Variants in GALNT13 observed in about 807,000 individuals in gnomAD.
The protein encoded by GALNT13 is UDP-GalNAc:polypeptide N-acetylgalactosaminyltransferase 13.
Under a neutral mutation model 64.2 loss-of-function variants are expected in GALNT13, and 28 were observed. The ratio of observed to expected loss-of-function variants is 0.44; its 90% confidence interval spans 0.32 to 0.60. The LOEUF is 0.60. Ranked by LOEUF, GALNT13 falls within the 20% of genes least tolerant of loss-of-function variation. GALNT13 has a pLI of 0.05. For synonymous variants in GALNT13, 214 were observed against 224.6 expected, an observed-to-expected ratio of 0.95 and a Z score of 0.42; for missense variants, 577 against 669.8, an observed-to-expected ratio of 0.86 and a Z score of 1.53.
chr2:153,653,333 A>G, the GALNT13 span, among the ~76,000 whole-genome samples: 11 of 152,142 alleles, frequency 7.2e-5, no homozygotes, highest in South Asian at 2.1e-4. Flanking sequence ...AGAGTCCTAC[A>G]CTGAGATAAA....
the GALNT13 span, among the ~76,000 whole-genome samples, chr2:153,843,546 C>T: frequency 1.3e-4 from 20 of 152,286 alleles, no homozygotes; most frequent in African/African-American, 4.6e-4. Flanking sequence ...TGCCCCTCCC[C>T]GCAAATATCA....
chr2:153,827,982 C>T, the GALNT13 span, among the ~76,000 whole-genome samples: 3 of 152,236 alleles, frequency 2.0e-5, no homozygotes, highest in African/African-American at 7.2e-5. Context: ...TCCAACAGGG[C>T]AGTCAAATCT....
the GALNT13 span, among the ~76,000 whole-genome samples, chr2:153,818,116 A>AAT: frequency 0.51 from 77,964 of 151,662 alleles, 20,914 homozygotes; most frequent in Admixed American, 0.63. Flanking sequence ...GAAGCTCCCT[A>AAT]ATATAGGGAA....
the GALNT13 span, among the ~76,000 whole-genome samples, chr2:153,177,452 A>T: frequency 6.6e-6 from 1 of 152,130 alleles, no homozygotes; most frequent in Admixed American, 6.5e-5. Context: ...AGTTAAAAGT[A>T]ACTGCATGAA....
chr2:153,938,631 T>G (rs542615753), intron 2 of GALNT13, among the ~76,000 whole-genome samples: 128 of 152,294 alleles, frequency 8.4e-4, no homozygotes, highest in Middle Eastern at 3.4e-3. Flanking sequence ...ATATTTTCTC[T>G]CACATTTCTG....
chr2:154,298,537 T>TATA (rs1553511314), intron 8 of GALNT13, among the ~76,000 whole-genome samples: 13 of 76,968 alleles, frequency 1.7e-4, no homozygotes, highest in African/African-American at 5.3e-4. Context: ...AAATTGTATA[T>TATA]ATTTATATAT....
the GALNT13 span, among the ~76,000 whole-genome samples, chr2:153,259,083 T>A: frequency 2.0e-5 from 3 of 152,212 alleles, no homozygotes; most frequent in Non-Finnish European, 2.9e-5. Context: ...AGCTCTCATA[T>A]TTGCTTTATA....
the GALNT13 span, among the ~76,000 whole-genome samples, chr2:153,208,973 C>CTTTTTTTTTTTTTTTT: frequency 8.0e-5 from 6 of 74,682 alleles, no homozygotes; most frequent in African/African-American, 2.3e-4. Context: ...TGGTTTTGGT[C>CTTTTTTTTTTTTTTTT]TTTTTTTTTT....
the GALNT13 span, among the ~76,000 whole-genome samples, chr2:153,241,810 A>G: frequency 5.3e-5 from 8 of 151,922 alleles, no homozygotes; most frequent in African/African-American, 1.9e-4. Context: ...CCCTTATAGA[A>G]AGAATTTGTC....
At chr2:153,265,849 A>G in the GALNT13 span, among the ~76,000 whole-genome samples, 1 of 152,240 alleles carries the variant, frequency 6.6e-6, no homozygotes, top group African/African-American at 2.4e-5. Context: ...AGGATCTAGA[A>G]TATTACATAA....
chr2:153,386,767 T>G, the GALNT13 span, among the ~76,000 whole-genome samples: 1 of 152,036 alleles, frequency 6.6e-6, no homozygotes, highest in Non-Finnish European at 1.5e-5. Context: ...CAGCACTTTA[T>G]CCCCAAAAGG....
In GALNT13 at chr2:154,095,178, C is replaced by A. The variant is rs1040775408; in HGVS notation, c.143-45159C>A. On this transcript the variant is annotated intron_variant, in intron 3 of 12. Transcript: ENST00000392825. ...TCTGGCATGTATTGTTCATATACAG[C>A]CGGTTAATTGGTGTCCTGACACATA... Among the ~76,000 whole-genome samples, 13 of 151,782 alleles carry A rather than the reference C, an allele frequency of 8.6e-5. No individual in the cohort carries two copies. In the Admixed American group the frequency reaches 8.6e-4, roughly 10 times the overall value.
At chr2:153,267,279 A>G in the GALNT13 span, among the ~76,000 whole-genome samples, 6 of 152,136 alleles carry the variant, frequency 3.9e-5, no homozygotes, top group East Asian at 9.7e-4. Flanking sequence ...GACTCTGGAA[A>G]AGAGCAGGGA....
At chr2:153,149,366 T>C in the GALNT13 span, among the ~76,000 whole-genome samples, 5 of 151,808 alleles carry the variant, frequency 3.3e-5, no homozygotes, top group Non-Finnish European at 7.4e-5. Flanking sequence ...TCTGCTTTCT[T>C]TTTTTCTGAG....
At chr2:154,417,521 A>T (rs13386876) in intron 11 of GALNT13, among the ~76,000 whole-genome samples, 7,594 of 137,822 alleles carry the variant, frequency 0.055, 325 homozygotes, top group East Asian at 0.11. Context: ...TTATTTATTT[A>T]TTTTTTTGAG....
chr2:153,444,289 G>A, the GALNT13 span, among the ~76,000 whole-genome samples: 1 of 152,106 alleles, frequency 6.6e-6, no homozygotes, highest in Non-Finnish European at 1.5e-5. Context: ...TAAACGCCAT[G>A]GAGTTCTTGT....
chr2:153,984,613 C>T (rs534074257), intron 3 of GALNT13, among the ~76,000 whole-genome samples: 2 of 151,810 alleles, frequency 1.3e-5, no homozygotes, highest in African/African-American at 4.8e-5. Context: ...AATTTACAAA[C>T]AATCATATTC....
chr2:154,299,111 A>G (rs990893959), intron 8 of GALNT13, among the ~76,000 whole-genome samples: 5 of 149,636 alleles, frequency 3.3e-5, no homozygotes, highest in African/African-American at 1.2e-4. Context: ...CAGATAGGAT[A>G]TAGATATTAA....
At chr2:153,088,047 G>A in the GALNT13 span, among the ~76,000 whole-genome samples, 1 of 151,522 alleles carries the variant, frequency 6.6e-6, no homozygotes, top group African/African-American at 2.4e-5. Context: ...AGTTTTTTGA[G>A]GTGTAACCTT....
Sources: gnomAD v4.1 joint callset for allele counts (sites outside exome capture counted in the v4.1 genomes callset) on GRCh38, gnomAD v4.1.1 for gene constraint, MANE v1.5 for transcripts, NCBI Gene and HGNC (gene_info 2026-07-23, HGNC 2026-07-21) for gene names.